The following GARIN4 variants were observed in gnomAD, a reference collection of about 807,000 sequenced individuals.
GARIN4 encodes golgi associated RAB2 interactor family member 4.
chr1:212,625,031 C>G, the GARIN4 span: 1 of 1,614,006 alleles, frequency 6.2e-7, no homozygotes, highest in African/African-American at 1.3e-5. Flanking sequence ...CGACTTTATC[C>G]AGATCACCAA....
chr1:212,626,343 C>T, the GARIN4 span: 58 of 1,614,040 alleles, frequency 3.6e-5, no homozygotes, highest in South Asian at 1.4e-4. Flanking sequence ...CACAGGGACT[C>T]GCATAAAGGT....
chr1:212,624,966 G>A, the GARIN4 span: 83 of 1,614,150 alleles, frequency 5.1e-5, no homozygotes, highest in Admixed American at 4.2e-4. Flanking sequence ...AAACTGCAGC[G>A]ACAACTGTAC....
the GARIN4 span, chr1:212,626,683 C>T: frequency 5.7e-6 from 9 of 1,567,162 alleles, no homozygotes; most frequent in South Asian, 1.1e-4. Context: ...GAGCTGGAAG[C>T]TGCAAAGGAG....
chr1:212,624,769 G>A, the GARIN4 span: 4 of 1,438,956 alleles, frequency 2.8e-6, no homozygotes, highest in Non-Finnish European at 3.6e-6. Flanking sequence ...ACCAGCTGCA[G>A]AGACATCTTT....
chr1:212,625,879 C>T, the GARIN4 span: 1 of 1,614,242 alleles, frequency 6.2e-7, no homozygotes, highest in Non-Finnish European at 8.5e-7. Flanking sequence ...GCACTGCCAG[C>T]ATGGCTCCAA....
At chr1:212,625,188 C>T in the GARIN4 span, 28 of 1,613,942 alleles carry the variant, frequency 1.7e-5, no homozygotes, top group Non-Finnish European at 2.4e-5. Flanking sequence ...CATGGCCAGG[C>T]CACCAAGAGA....
the GARIN4 span, chr1:212,624,901 G>GT: frequency 2.5e-6 from 4 of 1,602,838 alleles, no homozygotes; most frequent in Non-Finnish European, 3.4e-6. Context: ...TTCTGCTGCC[G>GT]TATTATACGG....
At chr1:212,624,572 CA>C in the GARIN4 span, 2 of 261,672 alleles carry the variant, frequency 7.6e-6, no homozygotes, top group South Asian at 1.3e-4. Flanking sequence ...AGGTGGAGGT[CA>C]GGGGGTTAGG....
At chr1:212,625,884 C>G in the GARIN4 span, 3 of 1,614,242 alleles carry the variant, frequency 1.9e-6, no homozygotes, top group Non-Finnish European at 2.5e-6. Context: ...GCCAGCATGG[C>G]TCCAAACAGC....
the GARIN4 span, chr1:212,626,206 T>A: frequency 6.2e-7 from 1 of 1,613,628 alleles, no homozygotes; most frequent in African/African-American, 1.3e-5. Flanking sequence ...GCAGGACAGG[T>A]GAAAGCCGCC....
the GARIN4 span, chr1:212,625,161 G>A: frequency 1.9e-6 from 3 of 1,614,072 alleles, no homozygotes; most frequent in African/African-American, 4.0e-5. Flanking sequence ...GCCACCGGCT[G>A]CGAAGAGTAT....
At chr1:212,625,323 G>A in the GARIN4 span, 199 of 1,614,260 alleles carry the variant, frequency 1.2e-4, no homozygotes, top group Middle Eastern at 1.3e-3. Context: ...GGCAGATCTT[G>A]CTATCTGCAA....
At chr1:212,625,826 A>G in the GARIN4 span, 3 of 1,614,212 alleles carry the variant, frequency 1.9e-6, no homozygotes, top group Admixed American at 3.3e-5. Flanking sequence ...TGGGGCGGCC[A>G]CCATCGGTGC....
the GARIN4 span, chr1:212,625,131 T>C: frequency 1.9e-6 from 3 of 1,614,036 alleles, no homozygotes; most frequent in Non-Finnish European, 1.7e-6. Context: ...CTCCCAGATG[T>C]CATGCTACTG....
the GARIN4 span, chr1:212,626,281 C>A: frequency 6.2e-7 from 1 of 1,614,184 alleles, no homozygotes; most frequent in Non-Finnish European, 8.5e-7. Flanking sequence ...GCCACAGAGC[C>A]AATAGAGATG....
chr1:212,626,657 C>T, the GARIN4 span: 3 of 1,594,566 alleles, frequency 1.9e-6, no homozygotes. Flanking sequence ...CTTTGAAGCC[C>T]ATTAAATAAG....
chr1:212,626,501 G>A, the GARIN4 span: 2 of 1,614,244 alleles, frequency 1.2e-6, no homozygotes, highest in Non-Finnish European at 1.7e-6. Context: ...TACAAAAGTA[G>A]TGGGCACACC....
chr1:212,625,186 G>A, the GARIN4 span: 1 of 1,614,132 alleles, frequency 6.2e-7, no homozygotes, highest in East Asian at 2.2e-5. Flanking sequence ...GACATGGCCA[G>A]GCCACCAAGA....
the GARIN4 span, chr1:212,625,908 T>C: frequency 1.9e-6 from 3 of 1,614,206 alleles, no homozygotes; most frequent in Non-Finnish European, 2.5e-6. Flanking sequence ...AAGGTGGCTG[T>C]GGCAGGGGCT....
Sources: gnomAD v4.1 joint callset for allele counts on GRCh38, gnomAD v4.1.1 for gene constraint, MANE v1.5 for transcripts, NCBI Gene and HGNC (gene_info 2026-07-23, HGNC 2026-07-21) for gene names.